Variants in PIWIL1 observed in about 807,000 individuals in gnomAD.
PIWIL1 encodes the protein piwi like RNA-mediated gene silencing 1, also known as piwi-like protein 1.
A neutral mutation model predicts 114.4 loss-of-function variants in PIWIL1; 73 were observed. That is an observed-to-expected ratio of 0.64 (90% CI 0.53 to 0.78). The LOEUF (loss-of-function observed/expected upper bound fraction) is 0.78. PIWIL1 is among the 30% of genes least tolerant of loss of function. PIWIL1 has a pLI of 0.00. For missense variants in PIWIL1, 723 were observed against 1,063.1 expected (o/e 0.68, Z 4.45); for synonymous variants, 375 against 369.0 (o/e 1.02, Z -0.19).
chr12:130,362,343 A>G (rs1443187603), intron 16 of PIWIL1, among the ~76,000 whole-genome samples: 1 of 152,204 alleles, frequency 6.6e-6, no homozygotes, highest in Non-Finnish European at 1.5e-5. Context: ...CTGTTCCTGC[A>G]TTAGTTTGCT....
intron 19 of PIWIL1, among the ~76,000 whole-genome samples, chr12:130,368,301 G>A (rs1478169637): frequency 6.6e-6 from 1 of 152,164 alleles, no homozygotes; most frequent in East Asian, 1.9e-4. Context: ...AGAGGATAAA[G>A]TCTCGGCCTG....
At chr12:130,361,448 A>T in intron 15 of PIWIL1, 50 bp from the exon 16 acceptor site, 1 of 1,610,440 alleles carries the variant, frequency 6.2e-7, no homozygotes, top group Non-Finnish European at 8.5e-7. Context: ...TTACTTTTTA[A>T]ATGTTGCTGG....
chr12:130,418,017 G>A, the PIWIL1 span, among the ~76,000 whole-genome samples: 8 of 152,184 alleles, frequency 5.3e-5, no homozygotes, highest in Non-Finnish European at 1.2e-4. Flanking sequence ...GTCCCAGCAC[G>A]AGGAACACAG....
chr12:130,340,497 A>C (rs999997127), intron 1 of PIWIL1, among the ~76,000 whole-genome samples: 2 of 151,782 alleles, frequency 1.3e-5, no homozygotes. Flanking sequence ...TCTCACTCCT[A>C]GGAGAATCTA....
chr12:130,414,062 G>T, the PIWIL1 span: 3 of 1,532,932 alleles, frequency 2.0e-6, no homozygotes, highest in South Asian at 2.3e-5. Flanking sequence ...GCCAGTCTCT[G>T]CCCCCATGAC....
the PIWIL1 span, among the ~76,000 whole-genome samples, chr12:130,379,602 A>T: frequency 1.3e-5 from 1 of 77,886 alleles, no homozygotes; most frequent in Admixed American, 1.4e-4. Context: ...AGTTCCTTCA[A>T]CTCCCTCATC....
the PIWIL1 span, among the ~76,000 whole-genome samples, chr12:130,410,175 A>C: frequency 6.6e-6 from 1 of 152,212 alleles, no homozygotes; most frequent in South Asian, 2.1e-4. Flanking sequence ...TTTGCCACCC[A>C]CATATCGTCT....
intron 1 of PIWIL1, among the ~76,000 whole-genome samples, chr12:130,338,916 G>T (rs1394924550): frequency 2.0e-5 from 3 of 151,160 alleles, no homozygotes; most frequent in Non-Finnish European, 4.4e-5. Context: ...CGGGGTGAGA[G>T]GCTGAGGCCT....
In PIWIL1 at chr12:130,347,036, G is replaced by T; in HGVS notation, c.627G>T (p.Leu209Phe). 6.2e-7 allele frequency: 1 copy of T among 1,613,044 alleles called. No individual in the cohort carries two copies. The highest frequency in any genetic ancestry group is 8.5e-7 in the Non-Finnish European group (1 of 1,179,342). Residue 209 changes from leucine (L) to phenylalanine (F), a missense_variant, in exon 6 of 21, where the codon TTG (leucine) becomes TTT (phenylalanine). Transcript: ENST00000245255. ...TTCCACCTACATCACCAACTTGTTT[G>T]CAGTTCTATAATATTATTTTCAGGA... The part of the protein sequence containing the change: ...NELPPTSPTC[L>F]QFYNIIFRRL...
At position 130,372,189 on chromosome 12, in the gene PIWIL1, T is replaced by G. The variant is rs2073830270; in HGVS notation, c.*591T>G. On this transcript the variant is annotated 3_prime_UTR_variant, in exon 21 of 21. Transcript: ENST00000245255. ...AAAAAAACATTGAAAATTTTTAAAT[T>G]GTCCAAAGAAACATTTTAAGACTCT... 6.6e-6 allele frequency: 1 copy of G among 152,152 alleles called. No homozygotes were observed. The highest frequency in any genetic ancestry group is 1.5e-5 in the Non-Finnish European group (1 of 68,036). 9.4% of individuals were successfully genotyped at this position (152,152 alleles called of 1,614,324 possible).
the PIWIL1 span, among the ~76,000 whole-genome samples, chr12:130,393,054 C>G: frequency 3.3e-5 from 5 of 149,474 alleles, no homozygotes; most frequent in African/African-American, 1.3e-4. Context: ...CGTCAGTTAC[C>G]TGGTGCATAT....
chr12:130,365,522 A>G (rs565141785), intron 18 of PIWIL1, among the ~76,000 whole-genome samples: 1 of 152,348 alleles, frequency 6.6e-6, no homozygotes, highest in South Asian at 2.1e-4. Context: ...TTTGTCTAAT[A>G]GTTATCATTA....
chr12:130,424,425 G>T, the PIWIL1 span: 1 of 1,232,738 alleles, frequency 8.1e-7, no homozygotes, highest in East Asian at 3.2e-5. This position sits in a 1 kb window ranked among gnomAD's most constrained non-coding sequence, Gnocchi z 9.8. Flanking sequence ...CCTCCTGCAG[G>T]GACAGTGACC....
the PIWIL1 span, among the ~76,000 whole-genome samples, chr12:130,409,565 A>G: frequency 6.6e-6 from 1 of 151,672 alleles, no homozygotes; most frequent in Non-Finnish European, 1.5e-5. Context: ...AGGATGTTTC[A>G]ATCTCCTGAC....
At chr12:130,339,499 G>A (rs886443065) in intron 1 of PIWIL1, 2 of 152,224 alleles carry the variant, frequency 1.3e-5, no homozygotes, top group Admixed American at 6.5e-5. Flanking sequence ...CCGGAGGGAC[G>A]TTAGGTGGAA....
the PIWIL1 span, among the ~76,000 whole-genome samples, chr12:130,384,476 G>A: frequency 1.3e-3 from 199 of 152,276 alleles, 3 homozygotes; most frequent in African/African-American, 4.6e-3. Flanking sequence ...ACATAGGCAC[G>A]GGTGAATGCT....
rs2073071850 is a variant in PIWIL1, at chr12:130,346,491, T to C, written c.438T>C (p.Arg146=). ...YNPLMEARRL[R]SALLFQHEDL... ...CACTGATGGAAGCCAGAAGACTCCG[T>C]TCAGCTCTTCTTTTTCAACACGAAG... is the stretch of plus-strand genomic sequence containing the variant. The change falls in exon 5 of 21, where the codon CGT becomes CGC. Residue 146 remains arginine (R), a synonymous_variant. Transcript: ENST00000245255. 1 of 1,613,854 alleles carries C rather than the reference T, an allele frequency of 6.2e-7. No individual in the cohort carries two copies. The highest frequency in any genetic ancestry group is 8.5e-7 in the Non-Finnish European group (1 of 1,179,716).
chr12:130,378,301 G>T, the PIWIL1 span, among the ~76,000 whole-genome samples: 1 of 152,214 alleles, frequency 6.6e-6, no homozygotes, highest in Admixed American at 6.5e-5. Flanking sequence ...CTGTGTATCT[G>T]TGTAAGTGGG....
chr12:130,340,765 T>G (rs1429866215), intron 1 of PIWIL1, among the ~76,000 whole-genome samples: 1 of 152,050 alleles, frequency 6.6e-6, no homozygotes, highest in Non-Finnish European at 1.5e-5. Context: ...AAGCCGAGCA[T>G]GCATACGTAA....
Sources: gnomAD v4.1 joint callset for allele counts (sites outside exome capture counted in the v4.1 genomes callset) on GRCh38, gnomAD v4.1.1 for gene constraint, Gnocchi (gnomAD v3.1) non-coding constraint, MANE v1.5 for transcripts, NCBI Gene and HGNC (gene_info 2026-07-23, HGNC 2026-07-21) for gene names.